BTF3: variants seen among roughly 807,000 people sequenced by gnomAD.
BTF3 encodes the protein basic transcription factor 3.
In BTF3, 12 loss-of-function variants were observed where a neutral mutation model predicts 23.9. The ratio of observed to expected loss-of-function variants is 0.50; its 90% confidence interval spans 0.32 to 0.81. The LOEUF (loss-of-function observed/expected upper bound fraction) is 0.81. Among genes scored for constraint, BTF3 ranks in the 40% least tolerant of loss-of-function variants. The pLI, the probability that BTF3 is intolerant of heterozygous loss-of-function variation, is 0.03. For synonymous variants in BTF3, 96 were observed against 94.8 expected, an observed-to-expected ratio of 1.01 and a Z score of -0.07; for missense variants, 215 against 255.9, an observed-to-expected ratio of 0.84 and a Z score of 1.09.
rs778899382 is a variant in BTF3, at chr5:73,498,527, C to G, written c.-141C>G. ...AGACCCCTTGAGCACCAACCCTAGT[C>G]CCCCGCGCGGCCCCTTATTCGCTCC... On this transcript the variant is annotated 5_prime_UTR_variant, in exon 1 of 6. Transcript: ENST00000380591. 16 of 1,278,576 alleles carry G rather than the reference C, an allele frequency of 1.3e-5. No individual in the cohort carries two copies. The East Asian group carries it at 2.2e-4, about 17-fold the overall frequency. The allele number at this position is 1,278,576 out of a possible 1,614,324, so 79.2% of individuals were successfully genotyped here.
Position 73,505,197 on chromosome 5 carries a change from G to C in BTF3, c.580G>C (p.Val194Leu). The C allele has an allele frequency of 6.2e-7, 1 of 1,609,620 alleles. No homozygotes were observed. The highest frequency in any genetic ancestry group is 8.5e-7 in the Non-Finnish European group (1 of 1,179,148). Residue 194 changes from valine (V) to leucine (L), a missense_variant, in exon 6 of 6, where the codon GTG (valine) becomes CTG (leucine). Transcript: ENST00000380591. ...EDDDDEVPDLVENFDEASKNE... is the reference protein window; with the variant it reads ...EDDDDEVPDLLENFDEASKNE... ...TACTCTTTTCCTTTTCCTAGATCTTGTGGAGAATTTTGATGAGGCTTCCAA... is the reference window on the plus strand; with the variant it reads ...TACTCTTTTCCTTTTCCTAGATCTTCTGGAGAATTTTGATGAGGCTTCCAA...
In BTF3 at chr5:73,498,577, C is replaced by T. The variant is rs563364749; in HGVS notation, c.-91C>T. On this transcript the variant is annotated 5_prime_UTR_variant, in exon 1 of 6. It adds an upstream start codon to the 5' untranslated region. Coordinates refer to ENST00000380591, the MANE Select transcript of BTF3 (RefSeq NM_001037637.2). ...CGACAAGGTACAAAAAGGCTCTGGA[C>T]GGCGGCGTGGTAGGAGGACGGGAGC... 1.4e-6 allele frequency: 2 copies of T among 1,404,832 alleles called. No individual in the cohort carries two copies. Among genetic ancestry groups the T allele is most frequent in the Non-Finnish European group, 9.2e-7 (1 of 1,087,462 alleles). 87.0% of individuals were successfully genotyped at this position (1,404,832 alleles called of 1,614,324 possible).
intron 3 of BTF3, 45 bp from the exon 4 acceptor site, chr5:73,502,871 G>A: frequency 1.3e-6 from 2 of 1,568,192 alleles, no homozygotes. Context: ...TGTTTTTAAA[G>A]AGACTGGTCA....
chr5:73,502,817 C>A, intron 3 of BTF3, 99 bp from the exon 4 acceptor site: 1 of 1,252,668 alleles, frequency 8.0e-7, no homozygotes, highest in Non-Finnish European at 1.1e-6. Context: ...ACCTGTGCTT[C>A]ACAGTGAAAT....
Position 73,503,094 on chromosome 5 carries a change from T to C in BTF3, c.494T>C (p.Leu165Pro), listed in dbSNP as rs1746477508. ...GADSLTSLRR[L>P]AEALPKQSVD... ...GATAGTCTGACTAGTTTAAGGAGAC[T>C]GGCCGAAGCTCTGCCCAAACAATGT... The change falls in exon 4 of 6, where the codon CTG (leucine) becomes CCG (proline). Residue 165 changes from leucine to proline, a missense_variant. Physicochemically the swap from Leu to Pro is moderately conservative, Grantham distance 98 (BLOSUM62 -3). Coordinates refer to ENST00000380591, the MANE Select transcript of BTF3 (RefSeq NM_001037637.2). The C allele has an allele frequency of 6.2e-7, 1 of 1,613,808 alleles. No individual in the cohort carries two copies. Among genetic ancestry groups the C allele is most frequent in the Admixed American group, 1.7e-5 (1 of 60,004 alleles).
intron 5 of BTF3, 200 bp downstream of exon 5, chr5:73,504,603 C>T: frequency 2.3e-6 from 1 of 427,648 alleles, no homozygotes. Context: ...TGTTTGGGAT[C>T]CCAAGGATGT....
Position 73,498,532 on chromosome 5 carries a change from G to A in BTF3, c.-136G>A. ...CCTTGAGCACCAACCCTAGTCCCCC[G>A]CGCGGCCCCTTATTCGCTCCGACAA... On this transcript the variant is annotated 5_prime_UTR_variant, in exon 1 of 6. Coordinates refer to ENST00000380591, the MANE Select transcript of BTF3 (RefSeq NM_001037637.2). The A allele has an allele frequency of 7.7e-7, 1 of 1,305,794 alleles. No homozygotes were observed. The highest frequency in any genetic ancestry group is 9.9e-7 in the Non-Finnish European group (1 of 1,008,898). 80.9% of individuals were successfully genotyped at this position (1,305,794 alleles called of 1,614,324 possible).
chr5:73,498,794 C>G lies in BTF3; in HGVS notation c.127C>G (p.Pro43Ala). The change falls in exon 1 of 6, where the codon CCT becomes GCT. Residue 43 changes from proline (P) to alanine (A), a missense_variant. By Grantham distance (27) the Pro-to-Ala change is conservative. Coordinates refer to ENST00000380591, the MANE Select transcript of BTF3 (RefSeq NM_001037637.2). The part of the protein sequence containing the change: ...PPRGGTRGQE[P>A]QMKETIMNQE... Reference sequence around the variant, plus strand: ...TCGCGGCGGAACCCGAGGACAGGAGCCTCAGGTACCGCGAGGCTTGCGGAG... The same window carrying G: ...TCGCGGCGGAACCCGAGGACAGGAGGCTCAGGTACCGCGAGGCTTGCGGAG... The G allele has an allele frequency of 6.6e-7, 1 of 1,507,724 alleles. No individual in the cohort carries two copies. The highest frequency in any genetic ancestry group is 1.2e-5 in the South Asian group (1 of 81,670). The allele number at this position is 1,507,724 out of a possible 1,614,324, so 93.4% of individuals were successfully genotyped here.
At chr5:73,503,202 ATT>A in intron 4 of BTF3, 85 bp downstream of exon 4, 1 of 1,394,738 alleles carries the variant, frequency 7.2e-7, no homozygotes, top group South Asian at 1.3e-5. Context: ...GGATATGAGT[ATT>A]TTTAAGTTTG....
intron 4 of BTF3, 66 bp from the exon 5 acceptor site, chr5:73,504,267 CTTTTTTTTTTTTTT>C (rs34051700): frequency 9.6e-5 from 12 of 125,372 alleles, no homozygotes; most frequent in Middle Eastern, 3.8e-3. Context: ...TTCATCTGTT[CTTTTTTTTTTTTTT>C]TTTTTTTTTT....
At position 73,504,267 on chromosome 5, in the gene BTF3, C is replaced by CTTTTTTTTTTT. The variant is rs34051700; in HGVS notation, c.518-65_518-55dup. 2.5e-3 allele frequency: 310 copies of CTTTTTTTTTTT among 125,346 alleles called. 30 individuals are homozygous for CTTTTTTTTTTT. The highest frequency in any genetic ancestry group is 3.1e-3 in the African/African-American group (53 of 17,338). The allele number at this position is 125,346 out of a possible 1,614,324, so 7.8% of individuals were successfully genotyped here. A position where few individuals can be genotyped will look rare whatever the true frequency, so the allele number is the denominator to read the frequency against. The stretch of plus-strand genomic sequence containing the variant: ...AACAACACTTGGCATTTCATCTGTT[C>CTTTTTTTTTTT]TTTTTTTTTTTTTTTTTTTTTTTTT... On this transcript the variant is annotated intron_variant, in intron 4 of 5. Transcript: ENST00000380591.
rs1337997401 is a variant in BTF3, at chr5:73,498,729, G to A, written c.62G>A (p.Gly21Asp). Residue 21 changes from glycine to aspartate, a missense_variant, in exon 1 of 6, where the codon GGC becomes GAC. By Grantham distance (94) the Gly-to-Asp change is moderately conservative (BLOSUM62 -1). Transcript: ENST00000380591. Reference protein sequence around the residue: ...DSRGRGRARGGCPGGEATLSQ... With the variant: ...DSRGRGRARGDCPGGEATLSQ... The stretch of plus-strand genomic sequence containing the variant: ...CGGGGGCGAGGTCGAGCCAGGGGCG[G>A]CTGCCCTGGGGGCGAGGCGACGCTG... 2 of 1,488,924 alleles carry A rather than the reference G, an allele frequency of 1.3e-6. No homozygotes were observed. The highest frequency in any genetic ancestry group is 1.8e-6 in the Non-Finnish European group (2 of 1,130,100). 92.2% of individuals were successfully genotyped at this position (1,488,924 alleles called of 1,614,324 possible). A position where few individuals can be genotyped will look rare whatever the true frequency, so the allele number is the denominator to read the frequency against.
intron 5 of BTF3, 114 bp downstream of exon 5, chr5:73,504,517 CT>C: frequency 1.4e-6 from 1 of 718,562 alleles, no homozygotes; most frequent in Non-Finnish European, 2.3e-6. Context: ...GGACATAGAT[CT>C]TACTTAGAAT....
In BTF3 at chr5:73,505,394, T is replaced by C. The variant is rs570433438; in HGVS notation, c.*156T>C. On this transcript the variant is annotated 3_prime_UTR_variant, in exon 6 of 6. Transcript: ENST00000380591. Reference sequence around the variant, plus strand: ...AGCCCCTTGGACACTGCAGCTCTTTTCAGTTTTTGCTTATACACAATTCAT... The same window carrying C: ...AGCCCCTTGGACACTGCAGCTCTTTCCAGTTTTTGCTTATACACAATTCAT... The C allele has an allele frequency of 1.7e-6, 1 of 589,406 alleles. No individual in the cohort carries two copies. The highest frequency in any genetic ancestry group is 3.4e-5 in the Admixed American group (1 of 29,004). 36.5% of individuals were successfully genotyped at this position (589,406 alleles called of 1,614,324 possible).
chr5:73,504,951 T>C (rs1428554469), intron 5 of BTF3: 6 of 402,592 alleles, frequency 1.5e-5, no homozygotes, highest in South Asian at 1.2e-4. Context: ...CAGGAAAATT[T>C]TAACATTGTG....
At chr5:73,502,751 G>A in intron 3 of BTF3, 150 bp downstream of exon 3, 1 of 833,672 alleles carries the variant, frequency 1.2e-6, no homozygotes, top group Non-Finnish European at 1.8e-6. Context: ...AAATATCAGG[G>A]AGCTCATTAA....
intron 5 of BTF3, chr5:73,504,622 C>A (rs1746515190): frequency 2.6e-6 from 1 of 388,708 alleles, no homozygotes; most frequent in Non-Finnish European, 4.6e-6. Flanking sequence ...GTGTAGGTAT[C>A]TAACCTTAAA....
intron 2 of BTF3, among the ~76,000 whole-genome samples, chr5:73,500,218 TAAC>T (rs1237575799): frequency 6.6e-6 from 1 of 152,204 alleles, no homozygotes; most frequent in Non-Finnish European, 1.5e-5. Context: ...CCCACACATT[TAAC>T]AACATTAGAT....
chr5:73,502,928 A>G lies in BTF3; in HGVS notation c.328A>G (p.Thr110Ala). 7 of 1,612,320 alleles carry G rather than the reference A, an allele frequency of 4.3e-6. No homozygotes were observed. Among genetic ancestry groups the G allele is most frequent in the Non-Finnish European group, 5.9e-6 (7 of 1,179,828 alleles). The change falls in exon 4 of 6, where the codon ACA becomes GCA. Residue 110 changes from threonine to alanine, a missense_variant. Thr to Ala is a moderately conservative substitution (Grantham distance 58). Transcript: ENST00000380591. Reference sequence around the variant, plus strand: ...CTTTTCTTAATAGGTGAATATGTTTACAAACCAAGGAACAGTGATCCACTT... The same window carrying G: ...CTTTTCTTAATAGGTGAATATGTTTGCAAACCAAGGAACAGTGATCCACTT... Reference protein sequence around the residue: ...ISGIEEVNMFTNQGTVIHFNN... With the variant: ...ISGIEEVNMFANQGTVIHFNN...
Sources: allele counts gnomAD v4.1 joint callset (sites outside exome capture counted in the v4.1 genomes callset), GRCh38; gene constraint gnomAD v4.1.1; transcripts MANE v1.5; gene names NCBI Gene and HGNC (gene_info 2026-07-23, HGNC 2026-07-21).